Variants in KCNH5 observed in about 807,000 individuals in gnomAD.
KCNH5 encodes the protein potassium voltage-gated channel subfamily H member 5, also known as voltage-gated delayed rectifier potassium channel KCNH5.
Under a neutral mutation model 96.1 loss-of-function variants are expected in KCNH5, and 46 were observed. The ratio of observed to expected loss-of-function variants is 0.48; its 90% CI spans 0.38 to 0.61. The LOEUF is 0.61. Among genes scored for constraint, KCNH5 ranks in the 20% least tolerant of loss-of-function variants. The pLI is 0.00. For missense variants in KCNH5, 907 were observed against 1,225.8 expected (o/e 0.74, Z 3.88); for synonymous variants, 439 against 449.8 (o/e 0.98, Z 0.30).
At position 63,016,831 on chromosome 14, in the gene KCNH5, C is replaced by T. The variant is rs765728097; in HGVS notation, c.197G>A (p.Ser66Asn). The T allele has an allele frequency of 6.2e-7, 1 of 1,606,154 alleles. No individual in the cohort carries two copies. Among genetic ancestry groups the T allele is most frequent in the Non-Finnish European group, 8.5e-7 (1 of 1,176,826 alleles). ...ADVMQKSSTCSFMYGELTDKK... is the reference protein window; with the variant it reads ...ADVMQKSSTCNFMYGELTDKK... ...ATTACTTAGCTATTCTGTTACCTAC[C>T]TGCAAGTGCTGCTTTTCTGCATGAC... Residue 66 changes from serine to asparagine, a missense_variant and splice_region_variant, in exon 2 of 11, where the codon AGT becomes AAT. Transcript: ENST00000322893.
chr14:62,802,222 T>C (rs1886676264), intron 9 of KCNH5, 107 bp downstream of exon 9: 1 of 1,151,964 alleles, frequency 8.7e-7, no homozygotes, highest in African/African-American at 1.6e-5. Context: ...AGTGACCCAA[T>C]TTCCAAAGTT....
chr14:62,799,685 A>T (rs1886610710), intron 9 of KCNH5, among the ~76,000 whole-genome samples: 2 of 102,678 alleles, frequency 1.9e-5, no homozygotes, highest in Non-Finnish European at 3.9e-5. Context: ...TTCTATGTAT[A>T]TACCTTTATA....
Position 62,849,409 on chromosome 14 carries a change from G to A in KCNH5, c.1569+244C>T, listed in dbSNP as rs372107771. On this transcript the variant is annotated intron_variant, in intron 8 of 10. Transcript: ENST00000322893. ...CTGTTTTGGGGAAATAGAATAATGA[G>A]TTATTTTCACGAACTGAATTTTCTA... is the stretch of plus-strand genomic sequence containing the variant. 6.6e-5 allele frequency among the ~76,000 whole-genome samples: 10 copies of A among 152,266 alleles called. 1 individual carries two copies. Among genetic ancestry groups the A allele is most frequent in the Admixed American group, 2.0e-4 (3 of 15,288 alleles).
At chr14:62,910,124 C>T (rs920040792) in intron 7 of KCNH5, among the ~76,000 whole-genome samples, 5 of 149,448 alleles carry the variant, frequency 3.3e-5, no homozygotes, top group African/African-American at 1.3e-4. Flanking sequence ...GATATCAAGG[C>T]AATTCACTAC....
rs967461521 is a variant in KCNH5 at position 63,006,476 on chromosome 14, G to C, written c.198-4C>G. On this transcript the variant is annotated splice_region_variant and splice_polypyrimidine_tract_variant and intron_variant, in intron 2 of 10. Transcript: ENST00000322893. ...AGTCAATTCCCCATACATAAAACTG[G>C]GGGGGAAAAAAAACAAACAATCGAT... The C allele has an allele frequency of 6.4e-7, 1 of 1,555,560 alleles. No individual in the cohort carries two copies.
intron 7 of KCNH5, among the ~76,000 whole-genome samples, chr14:62,939,213 A>G (rs1889741583): frequency 6.6e-6 from 1 of 151,838 alleles, no homozygotes; most frequent in Admixed American, 6.6e-5. Flanking sequence ...AAGCTCTCTC[A>G]TCCTTTGTTA....
chr14:62,716,744 C>T lies in KCNH5; in HGVS notation c.2020-8289G>A, dbSNP rs758247507. Among the ~76,000 whole-genome samples, 183 of 152,086 alleles carry T rather than the reference C, an allele frequency of 1.2e-3. 5 individuals are homozygous for T. The highest frequency in any genetic ancestry group is 5.9e-4 in the Admixed American group (9 of 15,268). On this transcript the variant is annotated intron_variant, in intron 10 of 10. Transcript: ENST00000322893. Reference sequence around the variant, plus strand: ...TCCCCCTAATATCAGCAAAGAGAGGCGCAGGTATGATCCCATCACTTCTAC... The same window carrying T: ...TCCCCCTAATATCAGCAAAGAGAGGTGCAGGTATGATCCCATCACTTCTAC...
At chr14:62,905,907 C>G (rs966497971) in intron 7 of KCNH5, among the ~76,000 whole-genome samples, 3 of 152,218 alleles carry the variant, frequency 2.0e-5, no homozygotes, top group Admixed American at 1.3e-4. Flanking sequence ...ACTTCACATC[C>G]AGCTCTCACC....
At chr14:62,816,807 C>A (rs1367507348) in intron 8 of KCNH5, among the ~76,000 whole-genome samples, 1 of 151,614 alleles carries the variant, frequency 6.6e-6, no homozygotes, top group Admixed American at 6.6e-5. Flanking sequence ...ATCAAGTGAA[C>A]CATTTCCATA....
At chr14:62,867,339 C>T (rs1200048919) in intron 7 of KCNH5, among the ~76,000 whole-genome samples, 1 of 152,168 alleles carries the variant, frequency 6.6e-6, no homozygotes, top group Non-Finnish European at 1.5e-5. Flanking sequence ...CAATGGCTTC[C>T]TAACACCCAC....
intron 10 of KCNH5, among the ~76,000 whole-genome samples, chr14:62,721,491 A>ACTCG (rs1884814344): frequency 1.2e-5 from 1 of 85,428 alleles, no homozygotes; most frequent in Non-Finnish European, 2.5e-5. Context: ...TCTCTCTCTC[A>ACTCG]CTCACTCGCT....
chr14:62,758,185 G>C (rs1170109625), intron 10 of KCNH5, among the ~76,000 whole-genome samples: 2 of 151,500 alleles, frequency 1.3e-5, no homozygotes, highest in Non-Finnish European at 2.9e-5. Context: ...ATATGACCTA[G>C]TATTTGATGG....
intron 10 of KCNH5, among the ~76,000 whole-genome samples, chr14:62,748,675 G>A (rs1457491334): frequency 6.6e-6 from 1 of 152,110 alleles, no homozygotes; most frequent in Non-Finnish European, 1.5e-5. Context: ...TAACTATGGT[G>A]TCTTGCATTT....
At chr14:62,977,049 T>C (rs1380838601) in intron 6 of KCNH5, among the ~76,000 whole-genome samples, 2 of 152,120 alleles carry the variant, frequency 1.3e-5, no homozygotes, top group African/African-American at 4.8e-5. Context: ...AAGGATCAGC[T>C]ATAAAATGCA....
chr14:62,798,798 C>G (rs189678642), intron 9 of KCNH5, among the ~76,000 whole-genome samples: 14 of 152,154 alleles, frequency 9.2e-5, no homozygotes, highest in Admixed American at 3.3e-4. Flanking sequence ...TAAAGAATTA[C>G]GTGCCTATCG....
chr14:62,728,723 G>T (rs1203016659), intron 10 of KCNH5, among the ~76,000 whole-genome samples: 1 of 152,106 alleles, frequency 6.6e-6, no homozygotes, highest in Non-Finnish European at 1.5e-5. Flanking sequence ...TTTAAAAGGG[G>T]ATACTAACTG....
At chr14:62,738,667 T>G (rs1003115246) in intron 10 of KCNH5, among the ~76,000 whole-genome samples, 3 of 152,182 alleles carry the variant, frequency 2.0e-5, no homozygotes, top group African/African-American at 7.2e-5. Context: ...TTAGGGCATC[T>G]GATATCAACT....
At chr14:62,899,676 C>CA (rs371600088) in intron 7 of KCNH5, among the ~76,000 whole-genome samples, 13 of 150,470 alleles carry the variant, frequency 8.6e-5, no homozygotes, top group South Asian at 2.1e-4. Context: ...ACTAAAAATA[C>CA]AAAAAAAATT....
chr14:62,761,134 C>T (rs1437492455), intron 10 of KCNH5, among the ~76,000 whole-genome samples: 1 of 152,134 alleles, frequency 6.6e-6, no homozygotes, highest in Non-Finnish European at 1.5e-5. Flanking sequence ...GCCGGCAGAT[C>T]ACCTGAGGTC....
Sources: gnomAD v4.1 joint callset for allele counts (sites outside exome capture counted in the v4.1 genomes callset) on GRCh38, gnomAD v4.1.1 for gene constraint, MANE v1.5 for transcripts, NCBI Gene and HGNC (gene_info 2026-07-23, HGNC 2026-07-21) for gene names.